Variants in HLA-DMA observed in about 807,000 individuals in gnomAD.
HLA-DMA encodes major histocompatibility complex, class II, DM alpha.
HLA-DMA carries 20 observed loss-of-function variants against 27.3 expected under a neutral mutation model. That is an observed-to-expected ratio of 0.73 (90% CI 0.52 to 1.07). The LOEUF (loss-of-function observed/expected upper bound fraction) is 1.07. HLA-DMA is among the 50% of genes least tolerant of loss of function. The pLI is 0.00. For missense variants in HLA-DMA, 241 were observed against 321.7 expected (o/e 0.75, Z 1.92); for synonymous variants, 111 against 126.8 (o/e 0.88, Z 0.83).
In HLA-DMA at chr6:32,949,945, T is replaced by C; in HGVS notation, c.374-56A>G. On this transcript the variant is annotated intron_variant, in intron 2 of 4. Coordinates refer to ENST00000374843, the MANE Select transcript of HLA-DMA (RefSeq NM_006120.4). This position sits in a 1 kb window ranked among gnomAD's most constrained non-coding sequence, Gnocchi z 5.8. ...AAGAGACTAGTTTAGATGGTATCTC[T>C]GTGTTTGGAGGGGCCATGGCATATG... 6.4e-7 allele frequency: 1 copy of C among 1,571,598 alleles called. No individual in the cohort carries two copies. The highest frequency in any genetic ancestry group is 8.7e-7 in the Non-Finnish European group (1 of 1,150,192).
Position 32,949,965 on chromosome 6 carries a change from C to T in HLA-DMA, c.374-76G>A. Reference sequence around the variant, plus strand: ...ATCTCTGTGTTTGGAGGGGCCATGGCATATGGAGGGGAGGGCAGAGAAGAA... The same window carrying T: ...ATCTCTGTGTTTGGAGGGGCCATGGTATATGGAGGGGAGGGCAGAGAAGAA... On this transcript the variant is annotated intron_variant, in intron 2 of 4. Transcript: ENST00000374843. The surrounding 1 kb of genome is among the most constrained non-coding windows in gnomAD (Gnocchi z 5.8). The T allele has an allele frequency of 1.4e-6, 2 of 1,426,864 alleles. No homozygotes were observed. The highest frequency in any genetic ancestry group is 9.7e-7 in the Non-Finnish European group (1 of 1,030,060). The allele number at this position is 1,426,864 out of a possible 1,614,324, so 88.4% of individuals were successfully genotyped here.
In HLA-DMA at chr6:32,949,414, T is replaced by C. The variant is rs1776791014; in HGVS notation, c.653-15A>G. On this transcript the variant is annotated splice_polypyrimidine_tract_variant and intron_variant, in intron 3 of 4. Transcript: ENST00000374843. The surrounding 1 kb of genome is among the most constrained non-coding windows in gnomAD (Gnocchi z 5.8). ...GTTCCGGGGTACTGGAGGAAATGAG[T>C]GGCTCAGCCTGGGGACCTAGTTAGG... 6.2e-7 allele frequency: 1 copy of C among 1,613,112 alleles called. No individual in the cohort carries two copies. The highest frequency in any genetic ancestry group is 8.5e-7 in the Non-Finnish European group (1 of 1,179,576).
rs1329470469 is a variant in HLA-DMA, at chr6:32,949,995, G to A, written c.374-106C>T. 1.8e-6 allele frequency: 2 copies of A among 1,125,000 alleles called. No homozygotes were observed. Among genetic ancestry groups the A allele is most frequent in the African/African-American group, 1.5e-5 (1 of 65,022 alleles). The allele number at this position is 1,125,000 out of a possible 1,614,324, so 69.7% of individuals were successfully genotyped here. A position where few individuals can be genotyped will look rare whatever the true frequency, so the allele number is the denominator to read the frequency against. On this transcript the variant is annotated intron_variant, in intron 2 of 4. Transcript: ENST00000374843. This position sits in a 1 kb window ranked among gnomAD's most constrained non-coding sequence, Gnocchi z 5.8. ...GGAGGGGAGGGCAGAGAAGAACACAGTGGGTCAGGCTTTGGGAGACAGAGA... is the reference window on the plus strand; with the variant it reads ...GGAGGGGAGGGCAGAGAAGAACACAATGGGTCAGGCTTTGGGAGACAGAGA...
chr6:32,949,911 AG>A lies in HLA-DMA; in HGVS notation c.374-23del. ...AACCCTGGTGGGGGGATTGAAGTGT[AG>A]GGGGAAAAAGAGACTAGTTTAGATG... On this transcript the variant is annotated intron_variant, in intron 2 of 4. Transcript: ENST00000374843. The surrounding 1 kb of genome is among the most constrained non-coding windows in gnomAD (Gnocchi z 5.8). 6.2e-7 allele frequency: 1 copy of A among 1,609,130 alleles called. No homozygotes were observed. Among genetic ancestry groups the A allele is most frequent in the South Asian group, 1.1e-5 (1 of 91,004 alleles).
chr6:32,952,552 G>C, intron 1 of HLA-DMA: 1 of 401,816 alleles, frequency 2.5e-6, no homozygotes, highest in South Asian at 2.0e-5. Flanking sequence ...TACAGAGAAG[G>C]AAACTAAGAC....
In HLA-DMA at chr6:32,949,401, T is replaced by C. The variant is rs113409017; in HGVS notation, c.653-2A>G. Reference sequence around the variant, plus strand: ...CTGAGGGCAGTGCGTTCCGGGGTACTGGAGGAAATGAGTGGCTCAGCCTGG... The same window carrying C: ...CTGAGGGCAGTGCGTTCCGGGGTACCGGAGGAAATGAGTGGCTCAGCCTGG... On this transcript the variant is annotated splice_acceptor_variant, in intron 3 of 4. Coordinates refer to ENST00000374843, the MANE Select transcript of HLA-DMA (RefSeq NM_006120.4). LOFTEE classifies it high-confidence loss of function. The surrounding 1 kb of genome is among the most constrained non-coding windows in gnomAD (Gnocchi z 5.8). 1 of 1,613,738 alleles carries C rather than the reference T, an allele frequency of 6.2e-7. No homozygotes were observed.
intron 1 of HLA-DMA, chr6:32,952,442 T>C (rs188091287): frequency 2.1e-6 from 1 of 471,886 alleles, no homozygotes; most frequent in African/African-American, 2.0e-5. Flanking sequence ...TTGGCAGGAA[T>C]CGCTCAGCCA....
At position 32,950,258 on chromosome 6, in the gene HLA-DMA, G is replaced by A; in HGVS notation, c.373+261C>T. 1.7e-6 allele frequency: 1 copy of A among 598,298 alleles called. No homozygotes were observed. The highest frequency in any genetic ancestry group is 2.1e-5 in the South Asian group (1 of 48,450). The allele number at this position is 598,298 out of a possible 1,614,324, so 37.1% of individuals were successfully genotyped here. A position where few individuals can be genotyped will look rare whatever the true frequency, so the allele number is the denominator to read the frequency against. On this transcript the variant is annotated intron_variant, in intron 2 of 4. Coordinates refer to ENST00000374843, the MANE Select transcript of HLA-DMA (RefSeq NM_006120.4). The surrounding 1 kb of genome is among the most constrained non-coding windows in gnomAD (Gnocchi z 5.0). ...TCTTGCTGGGCATAGTAGCACAAGT[G>A]TTAATATTCAGTAGGTATCAGTTGG...
At chr6:32,952,012 G>C (rs1362822533) in intron 1 of HLA-DMA, among the ~76,000 whole-genome samples, 1 of 152,186 alleles carries the variant, frequency 6.6e-6, no homozygotes. Flanking sequence ...ACTGTTCATT[G>C]TGTGTTTGGG....
rs1776788166 is a variant in HLA-DMA at position 32,949,375 on chromosome 6, T to C, written c.677A>G (p.Asp226Gly). 1.2e-6 allele frequency: 2 copies of C among 1,613,938 alleles called. No individual in the cohort carries two copies. The highest frequency in any genetic ancestry group is 2.7e-5 in the African/African-American group (2 of 74,890). ...GCCACACAGCACATTCTCCAGCAGA[T>C]CTGAGGGCAGTGCGTTCCGGGGTAC... The part of the protein sequence containing the change: ...YWVPRNALPS[D>G]LLENVLCGVA... The change falls in exon 4 of 5, where the codon GAT (aspartate) becomes GGT (glycine). Residue 226 changes from aspartate to glycine, a missense_variant. Physicochemically the swap from Asp to Gly is moderately conservative, Grantham distance 94 (BLOSUM62 -1). Coordinates refer to ENST00000374843, the MANE Select transcript of HLA-DMA (RefSeq NM_006120.4). This position sits in a 1 kb window ranked among gnomAD's most constrained non-coding sequence, Gnocchi z 5.8.
chr6:32,952,061 G>A (rs185085463), intron 1 of HLA-DMA, among the ~76,000 whole-genome samples: 1 of 152,316 alleles, frequency 6.6e-6, no homozygotes, highest in African/African-American at 2.4e-5. Context: ...GCAAGTGAAA[G>A]CCTGCATTCT....
Position 32,950,081 on chromosome 6 carries a change from T to C in HLA-DMA, c.374-192A>G. 1 of 618,070 alleles carries C rather than the reference T, an allele frequency of 1.6e-6. No homozygotes were observed. Among genetic ancestry groups the C allele is most frequent in the Non-Finnish European group, 2.8e-6 (1 of 354,424 alleles). 38.3% of individuals were successfully genotyped at this position (618,070 alleles called of 1,614,324 possible). On this transcript the variant is annotated intron_variant, in intron 2 of 4. Coordinates refer to ENST00000374843, the MANE Select transcript of HLA-DMA (RefSeq NM_006120.4). The surrounding 1 kb of genome is among the most constrained non-coding windows in gnomAD (Gnocchi z 5.0). ...TCCAGGCAAGGACTGCAGCTAGACA[T>C]AGAAGCAGAGCCAGATCCAGGCTAC...
In HLA-DMA at chr6:32,950,610, A is replaced by C. The variant is rs1212132999; in HGVS notation, c.282T>G (p.Asp94Glu). 1.2e-6 allele frequency: 2 copies of C among 1,613,076 alleles called. No homozygotes were observed. Among genetic ancestry groups the C allele is most frequent in the Non-Finnish European group, 1.7e-6 (2 of 1,180,028 alleles). The change falls in exon 2 of 5, where the codon GAT (aspartate) becomes GAG (glutamate). Residue 94 changes from aspartate to glutamate, a missense_variant. By Grantham distance (45) the Asp-to-Glu change is conservative. Coordinates refer to ENST00000374843, the MANE Select transcript of HLA-DMA (RefSeq NM_006120.4). The surrounding 1 kb of genome is among the most constrained non-coding windows in gnomAD (Gnocchi z 5.0). The part of the protein sequence containing the change: ...EFADWAQEQG[D>E]APAILFDKEF... ...CTTTGTCAAATAAAATGGCAGGAGC[A>C]TCTCCCTGTTCCTGAGCCCAGTCAG...
chr6:32,949,128 T>C lies in HLA-DMA; in HGVS notation c.781+143A>G, dbSNP rs985100786. The C allele has an allele frequency of 1.9e-5, 21 of 1,093,182 alleles. No individual in the cohort carries two copies. Among genetic ancestry groups the C allele is most frequent in the Non-Finnish European group, 2.4e-5 (18 of 757,502 alleles). The allele number at this position is 1,093,182 out of a possible 1,614,324, so 67.7% of individuals were successfully genotyped here. ...CCCCAACTGGGAAGATGTGCCCCCA[T>C]GGTGCTGGATACAGGCCCCCACACC... On this transcript the variant is annotated intron_variant, in intron 4 of 4. Transcript: ENST00000374843. The surrounding 1 kb of genome is among the most constrained non-coding windows in gnomAD (Gnocchi z 5.8).
rs765603507 is a variant in HLA-DMA, at chr6:32,949,250, C to T, written c.781+21G>A. 3.1e-6 allele frequency: 5 copies of T among 1,614,076 alleles called. No homozygotes were observed. The highest frequency in any genetic ancestry group is 2.2e-5 in the South Asian group (2 of 91,074). On this transcript the variant is annotated intron_variant, in intron 4 of 4. Coordinates refer to ENST00000374843, the MANE Select transcript of HLA-DMA (RefSeq NM_006120.4). The surrounding 1 kb of genome is among the most constrained non-coding windows in gnomAD (Gnocchi z 5.8). ...TGTATCTGGCTCCCACAGGCTCACC[C>T]GCCCCCTCCAGATGACATACCACCT...
chr6:32,949,014 C>T lies in HLA-DMA; in HGVS notation c.782-146G>A. 1 of 1,004,576 alleles carries T rather than the reference C, an allele frequency of 1.0e-6. No homozygotes were observed. Among genetic ancestry groups the T allele is most frequent in the Non-Finnish European group, 1.5e-6 (1 of 684,670 alleles). 62.2% of individuals were successfully genotyped at this position (1,004,576 alleles called of 1,614,324 possible). ...TGATCTCTCCTTGTTCCCAAATCATCTCCAAGCACCCTTCCTACAGCACCC... is the reference window on the plus strand; with the variant it reads ...TGATCTCTCCTTGTTCCCAAATCATTTCCAAGCACCCTTCCTACAGCACCC... On this transcript the variant is annotated intron_variant, in intron 4 of 4. Transcript: ENST00000374843. This position sits in a 1 kb window ranked among gnomAD's most constrained non-coding sequence, Gnocchi z 5.8.
In HLA-DMA at chr6:32,950,800, G is replaced by A. The variant is rs779505925; in HGVS notation, c.92C>T (p.Pro31Leu). The A allele has an allele frequency of 1.2e-6, 2 of 1,610,658 alleles. No homozygotes were observed. Among genetic ancestry groups the A allele is most frequent in the Admixed American group, 1.7e-5 (1 of 59,980 alleles). Residue 31 changes from proline (P) to leucine (L), a missense_variant, in exon 2 of 5, where the codon CCT becomes CTT. Transcript: ENST00000374843. This position sits in a 1 kb window ranked among gnomAD's most constrained non-coding sequence, Gnocchi z 5.0. ...LPHSWAVPEA[P>L]TPMWPDDLQN... ...CAGGTCATCTGGCCACATTGGAGTA[G>A]GAGCTGCAAAGGACACAGGGTGAGG...
intron 1 of HLA-DMA, chr6:32,952,536 A>G: frequency 7.1e-6 from 3 of 422,558 alleles, no homozygotes; most frequent in Non-Finnish European, 1.4e-5. Flanking sequence ...ATTCTGCCCC[A>G]TCCTCTACAG....
chr6:32,949,806 A>G lies in HLA-DMA; in HGVS notation c.457T>C (p.Phe153Leu). ...CAGTTCACTGTCAGCATGGGTGGGA[A>G]GAGATTACTGACAAAACAGACCAAA... ...NTLVCFVSNL[F>L]PPMLTVNWQH... Residue 153 changes from phenylalanine (F) to leucine (L), a missense_variant, in exon 3 of 5, where the codon TTC becomes CTC. Phe to Leu is a conservative substitution (Grantham distance 22). Coordinates refer to ENST00000374843, the MANE Select transcript of HLA-DMA (RefSeq NM_006120.4). This position sits in a 1 kb window ranked among gnomAD's most constrained non-coding sequence, Gnocchi z 5.8. The G allele has an allele frequency of 1.9e-6, 3 of 1,613,050 alleles. No individual in the cohort carries two copies. The highest frequency in any genetic ancestry group is 2.5e-6 in the Non-Finnish European group (3 of 1,179,986).
Sources: allele counts gnomAD v4.1 joint callset (sites outside exome capture counted in the v4.1 genomes callset), GRCh38; gene constraint gnomAD v4.1.1; non-coding constraint Gnocchi (gnomAD v3.1); transcripts MANE v1.5; gene names NCBI Gene and HGNC (gene_info 2026-07-23, HGNC 2026-07-21).